The following TPCN2 variants were observed in gnomAD, a reference collection of about 807,000 sequenced individuals.
TPCN2 encodes two pore segment channel 2.
In TPCN2, 92 loss-of-function variants were observed where a neutral mutation model predicts 111.4. The ratio of observed to expected loss-of-function variants is 0.83; its 90% CI spans 0.70 to 0.98. The LOEUF (loss-of-function observed/expected upper bound fraction) is 0.98, where lower values mean the gene tolerates loss of function less well. Ranked by LOEUF, TPCN2 falls within the 50% of genes least tolerant of loss-of-function variation. The pLI is 0.00. For synonymous variants in TPCN2, 405 were observed against 414.5 expected, an observed-to-expected ratio of 0.98 and a Z score of 0.28; for missense variants, 995 against 980.1, an observed-to-expected ratio of 1.02 and a Z score of -0.20.
intron 5 of TPCN2, among the ~76,000 whole-genome samples, chr11:69,059,149 G>A (rs373839095): frequency 4.6e-5 from 7 of 152,184 alleles, no homozygotes; most frequent in Admixed American, 3.3e-4. Context: ...TGAGGGGCCC[G>A]AGTCCTTGGT....
At chr11:69,054,501 C>A in intron 2 of TPCN2, 2 of 586,528 alleles carry the variant, frequency 3.4e-6, no homozygotes, top group Non-Finnish European at 6.1e-6. Flanking sequence ...CACCCACCCA[C>A]CCCGGGTGTG....
In TPCN2 at chr11:69,048,963, C is replaced by T; in HGVS notation, c.-35C>T. 3.3e-6 allele frequency: 4 copies of T among 1,216,628 alleles called. No homozygotes were observed. The highest frequency in any genetic ancestry group is 4.1e-6 in the Non-Finnish European group (4 of 970,600). 75.4% of individuals were successfully genotyped at this position (1,216,628 alleles called of 1,614,324 possible). A position where few individuals can be genotyped will look rare whatever the true frequency, so the allele number is the denominator to read the frequency against. On this transcript the variant is annotated 5_prime_UTR_variant, in exon 1 of 25. Transcript: ENST00000294309. ...AAGCTGGGCGCCTTCGGGGCTTGAG[C>T]TTCTGAGGGTCGGGTCCAGCGCGTG...
In TPCN2 at chr11:69,073,827, G is replaced by A. The variant is rs375762576; in HGVS notation, c.1230+826G>A. Among the ~76,000 whole-genome samples, 81 of 151,626 alleles carry A rather than the reference G, an allele frequency of 5.3e-4. 1 individual carries two copies. The highest frequency in any genetic ancestry group is 1.9e-3 in the African/African-American group (77 of 41,340). On this transcript the variant is annotated intron_variant, in intron 13 of 24. Coordinates refer to ENST00000294309, the MANE Select transcript of TPCN2 (RefSeq NM_139075.4). ...GTGTCCTCACCTGAGGCCTCTCTCC[G>A]TGGCTTGTAGATGCCAGCCTCTCCC...
rs1203152640 is a variant in TPCN2 at position 69,090,517 on chromosome 11, C to A, written c.*2564C>A. 2.0e-5 allele frequency: 3 copies of A among 152,176 alleles called. No individual in the cohort carries two copies. The highest frequency in any genetic ancestry group is 4.4e-5 in the Non-Finnish European group (3 of 68,034). 9.4% of individuals were successfully genotyped at this position (152,176 alleles called of 1,614,324 possible). On this transcript the variant is annotated 3_prime_UTR_variant, in exon 25 of 25. Transcript: ENST00000294309. ...GAAGTTGTCACTGTCAGGGCCTTTA[C>A]AATCAGCAACAGCAAAATCTACATG...
chr11:69,087,005 A>G, intron 23 of TPCN2, 107 bp from the exon 24 acceptor site: 1 of 899,724 alleles, frequency 1.1e-6, no homozygotes, highest in Non-Finnish European at 1.7e-6. Flanking sequence ...TGAATGGCTC[A>G]GCCCCCTCAG....
rs4930265 is a variant in TPCN2, at chr11:69,088,486, A to G, written c.*533A>G. ...TTCTGATTGCCAGTTATTTTCATCA[A>G]TAAGTCTTGCAAAGAATGGGATTGT... On this transcript the variant is annotated 3_prime_UTR_variant, in exon 25 of 25. Transcript: ENST00000294309. 43,121 of 155,794 alleles carry G rather than the reference A, an allele frequency of 0.28. 6,348 individuals carry two copies. Among genetic ancestry groups the G allele is most frequent in the South Asian group, 0.45 (2,345 of 5,182 alleles). The allele number at this position is 155,794 out of a possible 1,614,324, so 9.7% of individuals were successfully genotyped here.
intron 5 of TPCN2, among the ~76,000 whole-genome samples, chr11:69,062,402 G>A (rs1387628976): frequency 1.3e-5 from 2 of 152,100 alleles, no homozygotes; most frequent in East Asian, 3.9e-4. Flanking sequence ...GTGGAGGTGG[G>A]GCTCCTGGAG....
At chr11:69,057,485 G>A in intron 4 of TPCN2, 93 bp from the exon 5 acceptor site, 1 of 1,216,296 alleles carries the variant, frequency 8.2e-7, no homozygotes, top group Non-Finnish European at 1.2e-6. Context: ...CCCTGCTCTG[G>A]TCGCCTGGTC....
rs368657235 is a variant in TPCN2, at chr11:69,081,437, A to G, written c.1627A>G (p.Met543Val). The G allele has an allele frequency of 6.4e-7, 1 of 1,571,572 alleles. No homozygotes were observed. Among genetic ancestry groups the G allele is most frequent in the South Asian group, 1.2e-5 (1 of 85,910 alleles). The stretch of plus-strand genomic sequence containing the variant: ...GGTGGGCCTGCTGTCGCTGTGGGAC[A>G]TGACCCGCATGCTGAACATGCTCAT... Reference protein sequence around the residue: ...EMVGLLSLWDMTRMLNMLIVF... With the variant: ...EMVGLLSLWDVTRMLNMLIVF... Residue 543 changes from methionine to valine, a missense_variant, in exon 18 of 25, where the codon ATG becomes GTG. By Grantham distance (21) the Met-to-Val change is conservative (BLOSUM62 1). Transcript: ENST00000294309.
chr11:69,072,126 T>C, intron 11 of TPCN2, 103 bp downstream of exon 11: 1 of 960,578 alleles, frequency 1.0e-6, no homozygotes, highest in Non-Finnish European at 1.6e-6. Flanking sequence ...GGCCTGTGCC[T>C]CGCCCCTGCT....
Position 69,084,958 on chromosome 11 carries a change from G to A in TPCN2, c.1762-252G>A, listed in dbSNP as rs991133519. The A allele has an allele frequency of 1.4e-5, 5 of 366,392 alleles. No homozygotes were observed. In the East Asian group the frequency reaches 6.5e-4, roughly 48 times the overall value. 22.7% of individuals were successfully genotyped at this position (366,392 alleles called of 1,614,324 possible). A position where few individuals can be genotyped will look rare whatever the true frequency, so the allele number is the denominator to read the frequency against. On this transcript the variant is annotated intron_variant, in intron 19 of 24. Transcript: ENST00000294309. ...CTAACTGTGGCTGCCAGGGTACCTG[G>A]GGGCAGGGCCCTAATTCCCTTAGGA... is the stretch of plus-strand genomic sequence containing the variant.
At chr11:69,057,753 G>A in intron 5 of TPCN2, 59 bp downstream of exon 5, 1 of 1,500,210 alleles carries the variant, frequency 6.7e-7, no homozygotes, top group Non-Finnish European at 9.3e-7. Context: ...GTGGGTGCAA[G>A]GCCCACGGGG....
At position 69,089,657 on chromosome 11, in the gene TPCN2, T is replaced by G. The variant is rs1476256150; in HGVS notation, c.*1704T>G. 5 of 152,338 alleles carry G rather than the reference T, an allele frequency of 3.3e-5. No individual in the cohort carries two copies. The highest frequency in any genetic ancestry group is 1.2e-4 in the African/African-American group (5 of 41,478). 9.4% of individuals were successfully genotyped at this position (152,338 alleles called of 1,614,324 possible). A position where few individuals can be genotyped will look rare whatever the true frequency, so the allele number is the denominator to read the frequency against. ...TCCTGCTGGTGTTCTCTCTTGTTGC[T>G]TGGTGAAGGTGGCCCTGGTCAGCTT... is the stretch of plus-strand genomic sequence containing the variant. On this transcript the variant is annotated 3_prime_UTR_variant, in exon 25 of 25. Transcript: ENST00000294309.
At chr11:69,079,529 C>T (rs964820393) in intron 16 of TPCN2, 8 of 340,078 alleles carry the variant, frequency 2.4e-5, no homozygotes, top group African/African-American at 8.5e-5. Flanking sequence ...GCAGGCCCCT[C>T]GGCACATAGG....
In TPCN2 at chr11:69,085,752, G is replaced by A. The variant is rs148607240; in HGVS notation, c.1920G>A (p.Ala640=). ...EYWANNFDDF[A]AALVTLWNLM... is the part of the protein sequence containing the mutation. ...GGGCCAACAACTTCGATGACTTTGCGGTGAGCCCTGCGCCCTGTCCCAGCA... is the reference window on the plus strand; with the variant it reads ...GGGCCAACAACTTCGATGACTTTGCAGTGAGCCCTGCGCCCTGTCCCAGCA... Residue 640 remains alanine (A), a splice_region_variant and synonymous_variant, in exon 21 of 25, where the codon GCG becomes GCA. Coordinates refer to ENST00000294309, the MANE Select transcript of TPCN2 (RefSeq NM_139075.4). The A allele has an allele frequency of 1.5e-5, 25 of 1,613,944 alleles. No homozygotes were observed. Among genetic ancestry groups the A allele is most frequent in the East Asian group, 2.2e-5 (1 of 44,876 alleles).
chr11:69,049,836 G>C (rs2134502990), intron 1 of TPCN2, among the ~76,000 whole-genome samples: 1 of 152,304 alleles, frequency 6.6e-6, no homozygotes, highest in African/African-American at 2.4e-5. Flanking sequence ...GCTGACACCA[G>C]GGGAATGAGA....
chr11:69,074,268 A>T (rs553511530), intron 13 of TPCN2, among the ~76,000 whole-genome samples: 3 of 152,284 alleles, frequency 2.0e-5, no homozygotes, highest in East Asian at 1.9e-4. Context: ...ACTCGTCCCC[A>T]TCCTCACTTC....
chr11:69,055,732 C>T (rs912618936), intron 4 of TPCN2, among the ~76,000 whole-genome samples: 3 of 152,188 alleles, frequency 2.0e-5, no homozygotes, highest in Non-Finnish European at 2.9e-5. Context: ...CCTCCCTCTC[C>T]ACCATGCAGA....
intron 5 of TPCN2, among the ~76,000 whole-genome samples, chr11:69,058,070 A>G (rs936871286): frequency 6.6e-6 from 1 of 152,208 alleles, no homozygotes; most frequent in Non-Finnish European, 1.5e-5. Flanking sequence ...ACAAGCCCCA[A>G]GCTCTGTGAG....
Sources: gnomAD v4.1 joint callset for allele counts (sites outside exome capture counted in the v4.1 genomes callset) on GRCh38, gnomAD v4.1.1 for gene constraint, MANE v1.5 for transcripts, NCBI Gene and HGNC (gene_info 2026-07-23, HGNC 2026-07-21) for gene names.